Variants in NAA11 observed in about 807,000 individuals in gnomAD.
The protein encoded by NAA11 is N-alpha-acetyltransferase 11, NatA catalytic subunit.
In NAA11, 15 loss-of-function variants were observed where a neutral mutation model predicts 16.1. The ratio of observed to expected loss-of-function variants is 0.93; its 90% CI spans 0.62 to 1.44. NAA11 has a LOEUF of 1.44. Among genes scored for constraint, NAA11 ranks in the 40% most tolerant of loss-of-function variants. NAA11 has a pLI of 0.00. For missense variants in NAA11, 298 were observed against 291.3 expected, an observed-to-expected ratio of 1.02 and a Z score of -0.17; for synonymous variants, 122 against 112.4, an observed-to-expected ratio of 1.09 and a Z score of -0.54.
chr4:79,196,955 C>CAAAAAAAAAAAAAAAAAAAA, the NAA11 span, among the ~76,000 whole-genome samples: 601 of 86,180 alleles, frequency 7.0e-3, no homozygotes, highest in East Asian at 0.013. Flanking sequence ...ATGAAAAAGA[C>CAAAAAAAAAAAAAAAAAAAA]AAAAAAAAAA....
chr4:79,204,642 T>C, the NAA11 span, among the ~76,000 whole-genome samples: 1 of 151,712 alleles, frequency 6.6e-6, no homozygotes, highest in South Asian at 2.1e-4. Flanking sequence ...AAGTCTGGGC[T>C]TTTAGTGTAC....
chr4:79,211,246 G>A, the NAA11 span, among the ~76,000 whole-genome samples: 1 of 152,050 alleles, frequency 6.6e-6, no homozygotes, highest in African/African-American at 2.4e-5. Context: ...TAAGCTACAT[G>A]AGCATGTTCT....
the NAA11 span, among the ~76,000 whole-genome samples, chr4:79,183,924 A>G: frequency 2.0e-5 from 3 of 152,170 alleles, no homozygotes; most frequent in African/African-American, 7.2e-5. Context: ...AAGTTATGTC[A>G]CATGCTGAGT....
At chr4:79,173,737 G>A in the NAA11 span, among the ~76,000 whole-genome samples, 1 of 151,954 alleles carries the variant, frequency 6.6e-6, no homozygotes, top group South Asian at 2.1e-4. Flanking sequence ...GCAAAGAGGT[G>A]GGCATTAATA....
At chr4:79,301,334 ATGAAGAGTTCCT>A (rs1418206907) in intron 1 of NAA11, among the ~76,000 whole-genome samples, 1 of 152,160 alleles carries the variant, frequency 6.6e-6, no homozygotes, top group African/African-American at 2.4e-5. Context: ...GCACTCCACT[ATGAAGAGTTCCT>A]TGAATAGTCC....
the NAA11 span, among the ~76,000 whole-genome samples, chr4:79,171,556 T>G: frequency 5.9e-5 from 9 of 152,304 alleles, no homozygotes; most frequent in East Asian, 1.2e-3. Context: ...GCAGTAATTA[T>G]ATAGTTATTA....
At chr4:79,187,153 C>T in the NAA11 span, among the ~76,000 whole-genome samples, 1 of 152,156 alleles carries the variant, frequency 6.6e-6, no homozygotes, top group Non-Finnish European at 1.5e-5. Context: ...CAAATAATTT[C>T]CCATGTTTTA....
At chr4:79,190,371 C>A in the NAA11 span, among the ~76,000 whole-genome samples, 2 of 151,796 alleles carry the variant, frequency 1.3e-5, no homozygotes, top group Middle Eastern at 3.5e-3. Flanking sequence ...TATGAAGAGC[C>A]TTTCAAATAC....
the NAA11 span, among the ~76,000 whole-genome samples, chr4:79,187,356 G>C: frequency 1.1e-4 from 16 of 152,238 alleles, no homozygotes; most frequent in Admixed American, 4.6e-4. Context: ...CCCAGGGCTG[G>C]AGTCATTTAT....
At chr4:79,158,375 C>A in the NAA11 span, among the ~76,000 whole-genome samples, 25 of 151,980 alleles carry the variant, frequency 1.6e-4, no homozygotes, top group South Asian at 4.2e-4. Context: ...GTGCAAAAAA[C>A]CCCCAAAACT....
intron 2 of NAA11, among the ~76,000 whole-genome samples, chr4:79,272,899 A>C (rs1172680051): frequency 6.6e-6 from 1 of 151,944 alleles, no homozygotes; most frequent in Non-Finnish European, 1.5e-5. Flanking sequence ...CGGCTGGAAC[A>C]GTTGATGGGG....
intron 2 of NAA11, among the ~76,000 whole-genome samples, chr4:79,265,532 G>C (rs1185515070): frequency 6.6e-6 from 1 of 152,060 alleles, no homozygotes; most frequent in Non-Finnish European, 1.5e-5. Context: ...ACACCTATGG[G>C]GTATCTTGCT....
the NAA11 span, among the ~76,000 whole-genome samples, chr4:79,209,224 TTAAATTAATATCAGGAAGCAATTTAGAC>T: frequency 6.6e-6 from 1 of 152,158 alleles, no homozygotes; most frequent in Admixed American, 6.6e-5. Context: ...CCTCAAGCCC[TTAAATTAATATCAGGAAGCAATTTAGAC>T]ACTGAGGAGA....
At chr4:79,205,798 G>A in the NAA11 span, among the ~76,000 whole-genome samples, 1 of 152,002 alleles carries the variant, frequency 6.6e-6, no homozygotes, top group South Asian at 2.1e-4. Flanking sequence ...TAAGGTGAGA[G>A]ATAGGAATCC....
At chr4:79,210,941 C>G in the NAA11 span, among the ~76,000 whole-genome samples, 1 of 152,078 alleles carries the variant, frequency 6.6e-6, no homozygotes, top group Non-Finnish European at 1.5e-5. Flanking sequence ...AAAGTGGATG[C>G]CTGGGTCTTT....
intron 2 of NAA11, among the ~76,000 whole-genome samples, chr4:79,291,254 G>C (rs1345719207): frequency 6.6e-6 from 1 of 151,976 alleles, no homozygotes; most frequent in Non-Finnish European, 1.5e-5. Flanking sequence ...TTAAGACCAG[G>C]AGTTGGGGAC....
chr4:79,288,207 T>C (rs1722993203), intron 2 of NAA11, among the ~76,000 whole-genome samples: 1 of 152,122 alleles, frequency 6.6e-6, no homozygotes, highest in Non-Finnish European at 1.5e-5. Flanking sequence ...GACACCTCAT[T>C]ACAGAATGGG....
chr4:79,206,853 T>C, the NAA11 span, among the ~76,000 whole-genome samples: 9 of 152,136 alleles, frequency 5.9e-5, no homozygotes, highest in Non-Finnish European at 1.3e-4. Flanking sequence ...AAAGTAAAAA[T>C]AGCCTTGCTG....
chr4:79,323,435 G>A (rs1481451015), intron 1 of NAA11, among the ~76,000 whole-genome samples: 2 of 151,906 alleles, frequency 1.3e-5, no homozygotes, highest in African/African-American at 2.4e-5. Flanking sequence ...GCCTGTAATC[G>A]CAGCACTTTG....
Sources: allele counts gnomAD v4.1 joint callset (sites outside exome capture counted in the v4.1 genomes callset), GRCh38; gene constraint gnomAD v4.1.1; transcripts MANE v1.5; gene names NCBI Gene and HGNC (gene_info 2026-07-23, HGNC 2026-07-21).